TMEM154: variants seen among roughly 807,000 people sequenced by gnomAD.
TMEM154 encodes the protein transmembrane protein 154.
TMEM154 carries 27 observed loss-of-function variants against 24.5 expected under a neutral mutation model. The observed-to-expected ratio is 1.10, with a 90% confidence interval of 0.81 to 1.52. The LOEUF (loss-of-function observed/expected upper bound fraction) is 1.52. Ranked by LOEUF, TMEM154 falls within the 40% of genes most tolerant of loss-of-function variation. The pLI, the probability that TMEM154 is intolerant of heterozygous loss-of-function variation, is 0.00. For synonymous variants in TMEM154, 67 were observed against 76.8 expected (o/e 0.87, Z 0.67); for missense variants, 228 against 213.4 (o/e 1.07, Z -0.43).
At chr4:152,639,415 A>G (rs1752210189) in intron 6 of TMEM154, among the ~76,000 whole-genome samples, 1 of 152,216 alleles carries the variant, frequency 6.6e-6, no homozygotes, top group South Asian at 2.1e-4. Flanking sequence ...GTAATAAGAT[A>G]CTTAAGATAT....
At chr4:152,639,055 AT>A (rs1302151002) in intron 6 of TMEM154, among the ~76,000 whole-genome samples, 1 of 151,844 alleles carries the variant, frequency 6.6e-6, no homozygotes, top group African/African-American at 2.4e-5. Context: ...AGTTGAAGGG[AT>A]TCTCCTGCTT....
At chr4:152,676,268 T>A (rs1227051197) in intron 1 of TMEM154, among the ~76,000 whole-genome samples, 1 of 152,194 alleles carries the variant, frequency 6.6e-6, no homozygotes, top group Admixed American at 6.5e-5. Flanking sequence ...ATAATTGACA[T>A]GCAGCCACCG....
intron 6 of TMEM154, among the ~76,000 whole-genome samples, chr4:152,630,900 C>CATG (rs1752026821): frequency 6.6e-6 from 1 of 152,198 alleles, no homozygotes. Flanking sequence ...CTCTCATTCA[C>CATG]ATGTAAACAT....
chr4:152,664,914 C>T (rs1370150148), intron 1 of TMEM154, among the ~76,000 whole-genome samples: 2 of 150,786 alleles, frequency 1.3e-5, no homozygotes, highest in Middle Eastern at 3.2e-3. Context: ...AAGCCTGACT[C>T]CTTTTCATTC....
chr4:152,634,084 C>T (rs1372258166), intron 6 of TMEM154, among the ~76,000 whole-genome samples: 1 of 148,624 alleles, frequency 6.7e-6, no homozygotes, highest in African/African-American at 2.5e-5. Context: ...TCCCAAAATC[C>T]TGTATAGTAA....
At chr4:152,629,783 A>T (rs898925765) in intron 6 of TMEM154, among the ~76,000 whole-genome samples, 2 of 152,212 alleles carry the variant, frequency 1.3e-5, no homozygotes, top group Non-Finnish European at 2.9e-5. Context: ...TTCTAAAAGG[A>T]CTTCGGAGCA....
In TMEM154 at chr4:152,649,754, C is replaced by G. The variant is rs774585129; in HGVS notation, c.364+2784G>C. Among the ~76,000 whole-genome samples the G allele has an allele frequency of 8.5e-5, 13 of 152,242 alleles. No individual in the cohort carries two copies. The South Asian group carries it at 2.7e-3, about 32-fold the overall frequency. Reference sequence around the variant, plus strand: ...TACTGGCTTATTGGCTAAAATTATACAGGATCCTCATCTGGATTAGGGTCA... The same window carrying G: ...TACTGGCTTATTGGCTAAAATTATAGAGGATCCTCATCTGGATTAGGGTCA... On this transcript the variant is annotated intron_variant, in intron 3 of 6. Coordinates refer to ENST00000304385, the MANE Select transcript of TMEM154 (RefSeq NM_152680.3).
At chr4:152,659,549 A>G (rs1468560840) in intron 1 of TMEM154, among the ~76,000 whole-genome samples, 1 of 152,246 alleles carries the variant, frequency 6.6e-6, no homozygotes, top group Non-Finnish European at 1.5e-5. Context: ...AATGATAAAT[A>G]CTTAAAGTGA....
At chr4:152,677,145 A>G (rs1419055971) in intron 1 of TMEM154, among the ~76,000 whole-genome samples, 4 of 152,132 alleles carry the variant, frequency 2.6e-5, no homozygotes, top group Non-Finnish European at 5.9e-5. Context: ...ATGCTCACCC[A>G]TTCCATTATA....
intron 1 of TMEM154, among the ~76,000 whole-genome samples, chr4:152,656,963 C>T (rs1728504404): frequency 6.6e-6 from 1 of 150,534 alleles, no homozygotes; most frequent in South Asian, 2.1e-4. Flanking sequence ...GAGAAATTCA[C>T]CAAAGAGATA....
At chr4:152,656,797 T>G (rs1728500735) in intron 1 of TMEM154, among the ~76,000 whole-genome samples, 1 of 151,972 alleles carries the variant, frequency 6.6e-6, no homozygotes, top group South Asian at 2.1e-4. Context: ...GGTGCATGCC[T>G]GTAATCCCAG....
rs186043983 is a variant in TMEM154 at position 152,656,386 on chromosome 4, C to T, written c.65-3459G>A. 3.2e-3 allele frequency among the ~76,000 whole-genome samples: 494 copies of T among 152,246 alleles called. 6 individuals carry two copies. Among genetic ancestry groups the T allele is most frequent in the African/African-American group, 0.011 (461 of 41,538 alleles). On this transcript the variant is annotated intron_variant, in intron 1 of 6. Coordinates refer to ENST00000304385, the MANE Select transcript of TMEM154 (RefSeq NM_152680.3). ...CAACCCACCCCTGTCACCACTGGGGCCTGAAGACTGGCCCACCTGGTATCC... is the reference window on the plus strand; with the variant it reads ...CAACCCACCCCTGTCACCACTGGGGTCTGAAGACTGGCCCACCTGGTATCC...
rs912225403 is a variant in TMEM154, at chr4:152,619,020, G to A, written c.*9526C>T. 4 of 152,088 alleles carry A rather than the reference G, an allele frequency of 2.6e-5. No individual in the cohort carries two copies. Among genetic ancestry groups the A allele is most frequent in the Admixed American group, 2.6e-4 (4 of 15,276 alleles). 9.4% of individuals were successfully genotyped at this position (152,088 alleles called of 1,614,324 possible). On this transcript the variant is annotated 3_prime_UTR_variant, in exon 7 of 7. Transcript: ENST00000304385. ...GTAACTCCTAGCTCATTAAATAATT[G>A]GTTTTTCTGTTATTATGGAGCGTGC... is the stretch of plus-strand genomic sequence containing the variant.
intron 1 of TMEM154, among the ~76,000 whole-genome samples, chr4:152,659,117 T>A (rs1444080284): frequency 6.6e-6 from 1 of 152,210 alleles, no homozygotes; most frequent in African/African-American, 2.4e-5. Flanking sequence ...AACCGACGTA[T>A]CTATCAATGG....
At chr4:152,666,292 G>C (rs997164297) in intron 1 of TMEM154, 1 of 152,194 alleles carries the variant, frequency 6.6e-6, no homozygotes, top group Non-Finnish European at 1.5e-5. Context: ...CTATCTGGGG[G>C]CGTGGCCTGG....
At chr4:152,665,045 C>A (rs79409479) in intron 1 of TMEM154, among the ~76,000 whole-genome samples, 7,723 of 152,246 alleles carry the variant, frequency 0.051, 260 homozygotes, top group Non-Finnish European at 0.071. Flanking sequence ...CTTTCAATAA[C>A]CTGATGCCCA....
chr4:152,629,019 C>CGA (rs1751980766), intron 6 of TMEM154, among the ~76,000 whole-genome samples: 8 of 152,058 alleles, frequency 5.3e-5, no homozygotes, highest in South Asian at 2.1e-4. Flanking sequence ...GATCACAAAC[C>CGA]ATCAGGAAGC....
intron 3 of TMEM154, among the ~76,000 whole-genome samples, chr4:152,651,557 C>T (rs1314065471): frequency 1.3e-5 from 2 of 152,242 alleles, no homozygotes; most frequent in Non-Finnish European, 2.9e-5. Context: ...TCACCTCTCT[C>T]AGCCTTTGTA....
intron 3 of TMEM154, among the ~76,000 whole-genome samples, chr4:152,647,958 A>C (rs1218666374): frequency 6.6e-6 from 1 of 152,208 alleles, no homozygotes; most frequent in African/African-American, 2.4e-5. Flanking sequence ...TCAATGCCAC[A>C]CTGTCACACA....
Sources: gnomAD v4.1 joint callset for allele counts (sites outside exome capture counted in the v4.1 genomes callset) on GRCh38, gnomAD v4.1.1 for gene constraint, MANE v1.5 for transcripts, NCBI Gene and HGNC (gene_info 2026-07-23, HGNC 2026-07-21) for gene names.